HLCS: variants seen among roughly 807,000 people sequenced by gnomAD.
The protein encoded by HLCS is biotin--protein ligase.
A neutral mutation model predicts 75.0 loss-of-function variants in HLCS; 53 were observed. The observed-to-expected ratio is 0.71, with a 90% confidence interval of 0.57 to 0.89. The LOEUF (loss-of-function observed/expected upper bound fraction) is 0.89, where lower values mean the gene tolerates loss of function less well. Among genes scored for constraint, HLCS ranks in the 40% least tolerant of loss-of-function variants. The pLI is 0.00. For synonymous variants in HLCS, 431 were observed against 428.6 expected (o/e 1.01, Z -0.07); for missense variants, 966 against 1,074.0 (o/e 0.90, Z 1.41).
chr21:36,793,968 G>C (rs1239417727), intron 6 of HLCS, among the ~76,000 whole-genome samples: 3 of 152,192 alleles, frequency 2.0e-5, no homozygotes, highest in Admixed American at 6.5e-5. Flanking sequence ...CAGCTGTTTA[G>C]AAGCCTCAGA....
At chr21:36,870,659 G>C (rs1383200432) in intron 6 of HLCS, among the ~76,000 whole-genome samples, 1 of 152,204 alleles carries the variant, frequency 6.6e-6, no homozygotes, top group Non-Finnish European at 1.5e-5. Flanking sequence ...GTAACTGGAA[G>C]TCTTAAAAGG....
At chr21:36,879,418 G>A (rs956359515) in intron 6 of HLCS, among the ~76,000 whole-genome samples, 10 of 152,148 alleles carry the variant, frequency 6.6e-5, no homozygotes, top group African/African-American at 2.4e-4. Flanking sequence ...TAGTGTAGGA[G>A]GAAATAAAAG....
chr21:36,945,226 T>C (rs1040520173), intron 2 of HLCS, among the ~76,000 whole-genome samples: 4 of 152,178 alleles, frequency 2.6e-5, no homozygotes, highest in Admixed American at 1.3e-4. Context: ...TTTGGTTTTT[T>C]TTTGTCTCAA....
At chr21:36,924,136 C>T (rs922687867) in intron 5 of HLCS, among the ~76,000 whole-genome samples, 1 of 152,100 alleles carries the variant, frequency 6.6e-6, no homozygotes, top group Middle Eastern at 3.2e-3. Flanking sequence ...AAAGCTTCGC[C>T]CTATCTATAC....
chr21:36,979,482 T>A (rs1035011337), intron 1 of HLCS, among the ~76,000 whole-genome samples: 1 of 152,056 alleles, frequency 6.6e-6, no homozygotes, highest in Admixed American at 6.5e-5. Context: ...CAGGATTGAG[T>A]CTCCTATAGG....
At chr21:36,946,679 G>A (rs531164451) in intron 2 of HLCS, among the ~76,000 whole-genome samples, 20 of 151,804 alleles carry the variant, frequency 1.3e-4, no homozygotes, top group Admixed American at 6.6e-4. Context: ...AAGAATAAAC[G>A]CAGGCCTTTA....
intron 2 of HLCS, among the ~76,000 whole-genome samples, chr21:36,942,112 G>T (rs1038842793): frequency 4.6e-5 from 7 of 152,078 alleles, no homozygotes; most frequent in African/African-American, 1.7e-4. Context: ...GGCAGAGGTT[G>T]CAGTGAGCCA....
intron 6 of HLCS, among the ~76,000 whole-genome samples, chr21:36,885,974 A>G (rs2064434786): frequency 2.0e-5 from 3 of 152,184 alleles, no homozygotes; most frequent in Admixed American, 2.0e-4. Flanking sequence ...ACCCCATCCC[A>G]AGATCTAAGT....
At chr21:36,792,917 C>T (rs1044677356) in intron 6 of HLCS, among the ~76,000 whole-genome samples, 1 of 152,160 alleles carries the variant, frequency 6.6e-6, no homozygotes, top group African/African-American at 2.4e-5. Context: ...GCAAAGATCT[C>T]AAAATGCTGT....
intron 2 of HLCS, among the ~76,000 whole-genome samples, chr21:36,958,113 T>C (rs2068067442): frequency 1.4e-5 from 2 of 146,232 alleles, no homozygotes; most frequent in Admixed American, 6.9e-5. Flanking sequence ...TGTGGCAGCA[T>C]GTGCCTGTAG....
At chr21:36,835,384 G>GT in intron 6 of HLCS, among the ~76,000 whole-genome samples, 1 of 152,166 alleles carries the variant, frequency 6.6e-6, no homozygotes, top group African/African-American at 2.4e-5. Flanking sequence ...AAAGCCAAAT[G>GT]ACAACTAAAA....
At chr21:36,822,039 C>T (rs1256826096) in intron 6 of HLCS, among the ~76,000 whole-genome samples, 1 of 152,126 alleles carries the variant, frequency 6.6e-6, no homozygotes, top group Non-Finnish European at 1.5e-5. Context: ...CACCCTCCCA[C>T]AGCTGCTAAT....
At chr21:36,807,488 G>C (rs2061393740) in intron 6 of HLCS, among the ~76,000 whole-genome samples, 1 of 152,144 alleles carries the variant, frequency 6.6e-6, no homozygotes, top group Admixed American at 6.5e-5. Context: ...GCTCAGAACT[G>C]ACCACCCTAA....
intron 6 of HLCS, among the ~76,000 whole-genome samples, chr21:36,880,597 A>G (rs1032212032): frequency 3.9e-5 from 6 of 152,180 alleles, no homozygotes; most frequent in African/African-American, 1.4e-4. Context: ...AAATGAGTAG[A>G]AAGGATGAAA....
intron 6 of HLCS, among the ~76,000 whole-genome samples, chr21:36,810,118 C>T (rs964918532): frequency 2.6e-5 from 4 of 152,192 alleles, no homozygotes; most frequent in African/African-American, 9.6e-5. Flanking sequence ...GGTTGAACTT[C>T]ATTTGATTTC....
intron 5 of HLCS, among the ~76,000 whole-genome samples, chr21:36,918,978 G>A (rs1192325163): frequency 6.6e-6 from 1 of 152,236 alleles, no homozygotes; most frequent in Non-Finnish European, 1.5e-5. Context: ...GACTGGACAT[G>A]AGATTATATG....
intron 6 of HLCS, among the ~76,000 whole-genome samples, chr21:36,824,296 T>C (rs2061941523): frequency 6.6e-6 from 1 of 152,152 alleles, no homozygotes; most frequent in Admixed American, 6.5e-5. Context: ...TGCAGGCACA[T>C]GGATGAAGCT....
At chr21:36,806,738 T>C (rs1399099721) in intron 6 of HLCS, among the ~76,000 whole-genome samples, 7 of 152,202 alleles carry the variant, frequency 4.6e-5, no homozygotes, top group Non-Finnish European at 8.8e-5. Flanking sequence ...GTATTACTTA[T>C]CTATTGCTGT....
intron 6 of HLCS, among the ~76,000 whole-genome samples, 161 bp from the exon 7 acceptor site, chr21:36,767,446 G>A (rs2090080632): frequency 6.6e-6 from 1 of 152,098 alleles, no homozygotes; most frequent in Admixed American, 6.6e-5. Flanking sequence ...AGCCATGAGG[G>A]ATATCACCCT....
Sources: allele counts gnomAD v4.1 joint callset (sites outside exome capture counted in the v4.1 genomes callset), GRCh38; gene constraint gnomAD v4.1.1; transcripts MANE v1.5; gene names NCBI Gene and HGNC (gene_info 2026-07-23, HGNC 2026-07-21).